TEKT5: variants seen among roughly 807,000 people sequenced by gnomAD.
TEKT5 encodes tektin 5, also known as tektin-5.
A neutral mutation model predicts 48.7 loss-of-function variants in TEKT5; 52 were observed. The observed-to-expected ratio is 1.07, with a 90% CI of 0.86 to 1.35. The LOEUF (loss-of-function observed/expected upper bound fraction) is 1.35, where lower values mean the gene tolerates loss of function less well. Ranked by LOEUF, TEKT5 falls within the 40% of genes most tolerant of loss-of-function variation. The pLI is 0.00. For synonymous variants in TEKT5, 318 were observed against 267.6 expected, an observed-to-expected ratio of 1.19 and a Z score of -1.84; for missense variants, 831 against 641.6, an observed-to-expected ratio of 1.30 and a Z score of -3.19.
intron 5 of TEKT5, among the ~76,000 whole-genome samples, chr16:10,642,944 A>G (rs977522361): frequency 6.6e-6 from 1 of 152,212 alleles, no homozygotes; most frequent in African/African-American, 2.4e-5. Context: ...TGACTGAAAC[A>G]TAAGTTCCAA....
Position 10,684,383 on chromosome 16 carries a change from C to G in TEKT5, c.720-2247G>C, listed in dbSNP as rs535233067. Among the ~76,000 whole-genome samples the G allele has an allele frequency of 1.2e-4, 18 of 151,880 alleles. No homozygotes were observed. The South Asian group carries it at 3.8e-3, about 32-fold the overall frequency. On this transcript the variant is annotated intron_variant, in intron 3 of 6. Transcript: ENST00000283025. ...GTGTGTCTCTGTGGGTCTCTCCCTC[C>G]CTCCCCTCCATCTTTTTTTTTTTTT...
chr16:10,637,263 T>G (rs567055997), intron 5 of TEKT5, among the ~76,000 whole-genome samples: 1 of 151,624 alleles, frequency 6.6e-6, no homozygotes, highest in East Asian at 1.9e-4. Flanking sequence ...CTCAAACTCC[T>G]GACCTCAAGG....
At chr16:10,657,626 G>C (rs973942166) in intron 5 of TEKT5, among the ~76,000 whole-genome samples, 1 of 149,684 alleles carries the variant, frequency 6.7e-6, no homozygotes, top group African/African-American at 2.5e-5. Flanking sequence ...GTCTCGCTCA[G>C]TCACCCAGGC....
At chr16:10,660,980 G>A (rs1479142641) in intron 5 of TEKT5, among the ~76,000 whole-genome samples, 2 of 152,134 alleles carry the variant, frequency 1.3e-5, no homozygotes, top group Admixed American at 6.6e-5. Flanking sequence ...GGATACAGAC[G>A]TGAGCCACCG....
At chr16:10,657,256 G>A (rs530992222) in intron 5 of TEKT5, among the ~76,000 whole-genome samples, 1 of 151,962 alleles carries the variant, frequency 6.6e-6, no homozygotes, top group East Asian at 1.9e-4. Context: ...CTTCTGAGTA[G>A]CTGGGATTAC....
rs189322459 is a variant in TEKT5 at position 10,647,149 on chromosome 16, A to G, written c.1087-11231T>C. On this transcript the variant is annotated intron_variant, in intron 5 of 6. Coordinates refer to ENST00000283025, the MANE Select transcript of TEKT5 (RefSeq NM_144674.2). ...AGCCTATTGCTGGGGTGGACGGGAC[A>G]TTACTGAGGGTTCAGCGGGTGATAA... Among the ~76,000 whole-genome samples, 625 of 152,082 alleles carry G rather than the reference A, an allele frequency of 4.1e-3. 4 individuals are homozygous for G. The highest frequency in any genetic ancestry group is 5.0e-3 in the Non-Finnish European group (339 of 67,980).
At chr16:10,690,709 G>C in intron 1 of TEKT5, 1 of 985,444 alleles carries the variant, frequency 1.0e-6, no homozygotes, top group South Asian at 4.7e-5. Context: ...CTCTCATGCA[G>C]ACCTGGGCAG....
At chr16:10,660,522 C>A (rs779019014) in intron 5 of TEKT5, among the ~76,000 whole-genome samples, 7 of 152,122 alleles carry the variant, frequency 4.6e-5, no homozygotes, top group African/African-American at 7.2e-5. Flanking sequence ...CTGCTCTGAG[C>A]CGCTATCTCC....
At chr16:10,664,467 G>A (rs769028006) in intron 5 of TEKT5, among the ~76,000 whole-genome samples, 2 of 152,226 alleles carry the variant, frequency 1.3e-5, no homozygotes, top group African/African-American at 2.4e-5. Flanking sequence ...GATGGTCCAA[G>A]GACCACACTT....
intron 6 of TEKT5, among the ~76,000 whole-genome samples, chr16:10,635,317 C>T (rs372975428): frequency 2.0e-5 from 3 of 151,926 alleles, no homozygotes; most frequent in African/African-American, 7.3e-5. Context: ...GCTCATGAGG[C>T]TCTTCCAGGG....
chr16:10,639,375 A>C (rs943600426), intron 5 of TEKT5, among the ~76,000 whole-genome samples: 1 of 152,222 alleles, frequency 6.6e-6, no homozygotes, highest in Non-Finnish European at 1.5e-5. Flanking sequence ...CCACACACTC[A>C]CACACCAGAG....
intron 4 of TEKT5, 139 bp downstream of exon 4, chr16:10,681,854 G>T: frequency 8.5e-7 from 1 of 1,181,816 alleles, no homozygotes; most frequent in Non-Finnish European, 1.2e-6. Flanking sequence ...TCTGCCGCCT[G>T]CGCTAGAGGA....
At chr16:10,670,578 G>C (rs1339191418) in intron 5 of TEKT5, among the ~76,000 whole-genome samples, 3 of 152,118 alleles carry the variant, frequency 2.0e-5, no homozygotes, top group Admixed American at 6.6e-5. Context: ...AAAGTGAAAT[G>C]GTTGCTATAC....
In TEKT5 at chr16:10,694,461, C is replaced by G. The variant is rs1354548755; in HGVS notation, c.413G>C (p.Cys138Ser). 1 of 1,614,156 alleles carries G rather than the reference C, an allele frequency of 6.2e-7. No individual in the cohort carries two copies. The highest frequency in any genetic ancestry group is 2.2e-5 in the East Asian group (1 of 44,880). ...QLTHQMQEGT[C>S]RNLGQRLSDI... ...CGACAGCCTCTGGCCCAGGTTCCGG[C>G]AGGTGCCCTCCTGCATCTGGTGCGT... Residue 138 changes from cysteine (C) to serine (S), a missense_variant, in exon 1 of 7, where the codon TGC (cysteine) becomes TCC (serine). Cys to Ser is a moderately radical substitution (Grantham distance 112). Transcript: ENST00000283025.
At chr16:10,687,874 G>T (rs1898891914) in intron 3 of TEKT5, among the ~76,000 whole-genome samples, 1 of 152,058 alleles carries the variant, frequency 6.6e-6, no homozygotes, top group Admixed American at 6.5e-5. Context: ...ATATATTTGT[G>T]GGGTACCTGA....
chr16:10,689,480 C>G (rs892001240), intron 2 of TEKT5, among the ~76,000 whole-genome samples, 157 bp from the exon 3 acceptor site: 4 of 151,648 alleles, frequency 2.6e-5, no homozygotes, highest in African/African-American at 7.3e-5. Flanking sequence ...TCCACGTGAC[C>G]CCAGGGCCAG....
At chr16:10,632,567 G>T (rs1897854281) in intron 6 of TEKT5, among the ~76,000 whole-genome samples, 1 of 151,958 alleles carries the variant, frequency 6.6e-6, no homozygotes, top group African/African-American at 2.4e-5. Flanking sequence ...AAGTGCTGGG[G>T]TTACAGGTCT....
chr16:10,692,748 G>C (rs997084754), intron 1 of TEKT5: 9 of 152,316 alleles, frequency 5.9e-5, no homozygotes, highest in African/African-American at 1.7e-4. Flanking sequence ...TTGCCTTCCT[G>C]CCTCGAATGA....
chr16:10,682,725 C>G (rs1320101920), intron 3 of TEKT5, among the ~76,000 whole-genome samples: 2 of 152,194 alleles, frequency 1.3e-5, no homozygotes, highest in Non-Finnish European at 2.9e-5. Context: ...TCTGTTGCAA[C>G]TACTCAACTG....
Sources: allele counts gnomAD v4.1 joint callset (sites outside exome capture counted in the v4.1 genomes callset), GRCh38; gene constraint gnomAD v4.1.1; transcripts MANE v1.5; gene names NCBI Gene and HGNC (gene_info 2026-07-23, HGNC 2026-07-21).